The following SEC22C variants were observed in gnomAD, a reference collection of about 807,000 sequenced individuals.
SEC22C encodes the protein SEC22 homolog C, vesicle trafficking protein, also known as vesicle-trafficking protein SEC22c.
SEC22C carries 29 observed loss-of-function variants against 34.7 expected under a neutral mutation model. The ratio of observed to expected loss-of-function variants is 0.84; its 90% CI spans 0.62 to 1.14. The LOEUF (loss-of-function observed/expected upper bound fraction) is 1.14. Ranked by LOEUF, SEC22C falls within the 50% of genes most tolerant of loss-of-function variation. The probability of loss-of-function intolerance (pLI) is 0.00; values close to 1 mark genes in which losing one functional copy is unlikely to be tolerated. For missense variants in SEC22C, 337 were observed against 369.0 expected (o/e 0.91, Z 0.71); for synonymous variants, 117 against 132.8 (o/e 0.88, Z 0.82).
chr3:42,557,776 C>A, intron 4 of SEC22C, 80 bp from the exon 5 acceptor site: 1 of 667,072 alleles, frequency 1.5e-6, no homozygotes, highest in Non-Finnish European at 2.7e-6. Flanking sequence ...ATTAACTAGA[C>A]CTACACTAAT....
At chr3:42,599,321 G>A (rs1433257526) in intron 1 of SEC22C, among the ~76,000 whole-genome samples, 2 of 151,732 alleles carry the variant, frequency 1.3e-5, no homozygotes, top group African/African-American at 4.8e-5. Flanking sequence ...GTGGTACTCA[G>A]ACACAGATCA....
chr3:42,589,040 G>A (rs145658144), intron 1 of SEC22C, among the ~76,000 whole-genome samples: 2,583 of 152,006 alleles, frequency 0.017, 30 homozygotes, highest in Admixed American at 0.031. Context: ...CGAAGCGGGC[G>A]GATCACGAGG....
At chr3:42,584,680 G>A (rs1343397704), upstream of SEC22C, among the ~76,000 whole-genome samples, 1 of 152,178 alleles carries the variant, frequency 6.6e-6, no homozygotes, top group Non-Finnish European at 1.5e-5. Context: ...TAGCCTCCAG[G>A]GTTCACCACC....
intron 1 of SEC22C, among the ~76,000 whole-genome samples, chr3:42,594,257 T>TCTGA (rs1704961029): frequency 6.6e-6 from 1 of 152,196 alleles, no homozygotes; most frequent in South Asian, 2.1e-4. Context: ...TGGGTGAGAA[T>TCTGA]CTGACTATAT....
intron 1 of SEC22C, among the ~76,000 whole-genome samples, chr3:42,571,039 G>A (rs1448078191): frequency 6.6e-6 from 1 of 152,202 alleles, no homozygotes; most frequent in Non-Finnish European, 1.5e-5. Flanking sequence ...TGAGTAAATT[G>A]TATGCCCCTC....
At chr3:42,591,780 G>T (rs74711157) in intron 1 of SEC22C, among the ~76,000 whole-genome samples, 1,899 of 152,276 alleles carry the variant, frequency 0.012, 51 homozygotes, top group African/African-American at 0.042. Flanking sequence ...CGAGTACACT[G>T]CGGAGCCTGG....
chr3:42,570,114 T>C (rs1310206734), intron 1 of SEC22C, among the ~76,000 whole-genome samples: 2 of 152,168 alleles, frequency 1.3e-5, no homozygotes, highest in African/African-American at 2.4e-5. Context: ...CCAGTGGACC[T>C]CTCTTCCAAA....
intron 1 of SEC22C, chr3:42,600,482 A>G (rs1472050813): frequency 6.6e-6 from 1 of 151,954 alleles, no homozygotes; most frequent in Admixed American, 6.6e-5. Context: ...GGGGGGGCAA[A>G]CAGGGAACGC....
chr3:42,585,777 A>G (rs1198829346), upstream of SEC22C, among the ~76,000 whole-genome samples: 1 of 152,230 alleles, frequency 6.6e-6, no homozygotes, highest in African/African-American at 2.4e-5. Flanking sequence ...GCTGCTGGAC[A>G]AAATCTCACA....
intron 1 of SEC22C, among the ~76,000 whole-genome samples, chr3:42,597,751 G>A (rs1396240745): frequency 6.6e-6 from 1 of 152,198 alleles, no homozygotes; most frequent in Non-Finnish European, 1.5e-5. Flanking sequence ...GTTAGTGTTA[G>A]TGTATTTTAT....
Position 42,549,920 on chromosome 3 carries a change from C to T in SEC22C, c.*3328G>A. ...GGAGCTTATGGTCACATGCCTCCAGCTGCAGGCAGTGGGGCCTCTGGTACT... is the reference window on the plus strand; with the variant it reads ...GGAGCTTATGGTCACATGCCTCCAGTTGCAGGCAGTGGGGCCTCTGGTACT... On this transcript the variant is annotated 3_prime_UTR_variant, in exon 7 of 7. Transcript: ENST00000264454. The T allele has an allele frequency of 1.0e-6, 1 of 985,478 alleles. No individual in the cohort carries two copies. Among genetic ancestry groups the T allele is most frequent in the South Asian group, 4.7e-5 (1 of 21,286 alleles). 61.0% of individuals were successfully genotyped at this position (985,478 alleles called of 1,614,324 possible). A position where few individuals can be genotyped will look rare whatever the true frequency, so the allele number is the denominator to read the frequency against.
At position 42,548,865 on chromosome 3, in the gene SEC22C, G is replaced by C; in HGVS notation, c.*4383C>G. On this transcript the variant is annotated 3_prime_UTR_variant, in exon 7 of 7. Coordinates refer to ENST00000264454, the MANE Select transcript of SEC22C (RefSeq NM_032970.4). ...GCAGAAAAACCTTCATGTACCAGGT[G>C]AATGTAAAGCCTTTCTCCTCCCACA... The C allele has an allele frequency of 7.2e-7, 1 of 1,390,142 alleles. No homozygotes were observed. The highest frequency in any genetic ancestry group is 9.3e-7 in the Non-Finnish European group (1 of 1,071,768). 86.1% of individuals were successfully genotyped at this position (1,390,142 alleles called of 1,614,324 possible). A position where few individuals can be genotyped will look rare whatever the true frequency, so the allele number is the denominator to read the frequency against.
chr3:42,582,651 A>G (rs779940003), upstream of SEC22C, among the ~76,000 whole-genome samples: 19 of 152,248 alleles, frequency 1.2e-4, no homozygotes, highest in Non-Finnish European at 2.4e-4. Context: ...CCCTTCAAAC[A>G]ATCAAACACC....
At chr3:42,558,703 G>A (rs1013051635) in intron 4 of SEC22C, among the ~76,000 whole-genome samples, 1 of 151,946 alleles carries the variant, frequency 6.6e-6, no homozygotes, top group African/African-American at 2.4e-5. Flanking sequence ...AAGGTGGGAG[G>A]ATAGCTTGAG....
intron 1 of SEC22C, among the ~76,000 whole-genome samples, chr3:42,589,860 T>C (rs1704754661): frequency 6.6e-6 from 1 of 152,166 alleles, no homozygotes; most frequent in Non-Finnish European, 1.5e-5. Context: ...TCAGTTGCAG[T>C]GGTCACCAGG....
chr3:42,553,291 A>C lies in SEC22C; in HGVS notation c.869T>G (p.Leu290Arg), dbSNP rs1349539512. 3 of 1,614,076 alleles carry C rather than the reference A, an allele frequency of 1.9e-6. No homozygotes were observed. In the African/African-American group the frequency reaches 4.0e-5, roughly 22 times the overall value. ...CTGCTTCTCCTGAAGCTGCCTTGTT[A>C]GTATCTGATATGAAGACAGAAAAGC... ...GVAFLSSYQI[L>R]TRQLQEKQSD... The change falls in exon 7 of 7, where the codon CTA becomes CGA. Residue 290 changes from leucine (L) to arginine (R), a missense_variant. By Grantham distance (102) the Leu-to-Arg change is moderately radical. Coordinates refer to ENST00000264454, the MANE Select transcript of SEC22C (RefSeq NM_032970.4).
At chr3:42,562,881 T>A (rs1294725168) in intron 3 of SEC22C, among the ~76,000 whole-genome samples, 1 of 152,240 alleles carries the variant, frequency 6.6e-6, no homozygotes, top group Non-Finnish European at 1.5e-5. Context: ...GTCAAGGAAC[T>A]GTTTTTTTCT....
rs1702293412 is a variant in SEC22C, at chr3:42,552,299, C to T, written c.*949G>A. 2.0e-6 allele frequency: 2 copies of T among 985,398 alleles called. No individual in the cohort carries two copies. The highest frequency in any genetic ancestry group is 2.4e-6 in the Non-Finnish European group (2 of 829,936). The allele number at this position is 985,398 out of a possible 1,614,324, so 61.0% of individuals were successfully genotyped here. On this transcript the variant is annotated 3_prime_UTR_variant, in exon 7 of 7. Coordinates refer to ENST00000264454, the MANE Select transcript of SEC22C (RefSeq NM_032970.4). Reference sequence around the variant, plus strand: ...TGGAGGCGCTCTGGGAACAGGTACACAGGGTACAGTAGTCATCATCATTAA... The same window carrying T: ...TGGAGGCGCTCTGGGAACAGGTACATAGGGTACAGTAGTCATCATCATTAA...
At chr3:42,591,509 TTCTC>T (rs1409586399) in intron 1 of SEC22C, 1 of 1,609,422 alleles carries the variant, frequency 6.2e-7, no homozygotes, top group Admixed American at 1.7e-5. Flanking sequence ...GACCCTTTCT[TTCTC>T]TGATCTTTCA....
Sources: allele counts gnomAD v4.1 joint callset (sites outside exome capture counted in the v4.1 genomes callset), GRCh38; gene constraint gnomAD v4.1.1; transcripts MANE v1.5; gene names NCBI Gene and HGNC (gene_info 2026-07-23, HGNC 2026-07-21).